CASK: variants seen among roughly 807,000 people sequenced by gnomAD.
The protein encoded by CASK is peripheral plasma membrane protein CASK.
Under a neutral mutation model 82.9 loss-of-function variants are expected in CASK, and 4 were observed. The observed-to-expected ratio is 0.05, with a 90% confidence interval of 0.02 to 0.11. The LOEUF is 0.11. Ranked by LOEUF, CASK falls within the 10% of genes least tolerant of loss-of-function variation. The pLI is 1.00. For synonymous variants in CASK, 259 were observed against 253.5 expected, an observed-to-expected ratio of 1.02 and a Z score of -0.20; for missense variants, 358 against 720.9, an observed-to-expected ratio of 0.50 and a Z score of 5.76.
intron 1 of CASK, among the ~76,000 whole-genome samples, chrX:41,854,448 C>T (rs1252300185): frequency 1.8e-5 from 2 of 112,214 alleles, no homozygotes; most frequent in Non-Finnish European, 3.8e-5. Context: ...TGTATACATG[C>T]GTGTATTTTC....
intron 2 of CASK, among the ~76,000 whole-genome samples, chrX:41,797,568 T>C (rs1402675592): frequency 1.8e-5 from 2 of 111,369 alleles, no homozygotes; most frequent in African/African-American, 6.5e-5. Context: ...CTATTATACA[T>C]CTCCTGTCTC....
intron 1 of CASK, chrX:41,919,283 C>A (rs1299915659): frequency 8.9e-6 from 1 of 111,779 alleles, no homozygotes; most frequent in Non-Finnish European, 1.9e-5. Context: ...CAAAGTTGCA[C>A]GTCATCCTTA....
intron 23 of CASK, 40 bp downstream of exon 23, chrX:41,534,853 A>T: frequency 8.7e-7 from 1 of 1,148,661 alleles, no homozygotes. Context: ...AAATGTTTTG[A>T]AAGTGAGAAT....
chrX:41,716,380 T>C (rs1229495539), intron 5 of CASK, among the ~76,000 whole-genome samples: 1 of 112,633 alleles, frequency 8.9e-6, no homozygotes, highest in Non-Finnish European at 1.9e-5. Flanking sequence ...CCTTCGCAAG[T>C]GTGTGCTCAC....
chrX:41,829,808 T>C (rs1345018642), intron 2 of CASK, among the ~76,000 whole-genome samples: 1 of 78,886 alleles, frequency 1.3e-5, no homozygotes. Context: ...TTAAACTAAT[T>C]TGCATCCCTA....
Position 41,813,713 on chromosome X carries a change from C to A in CASK, c.173-26430G>T, listed in dbSNP as rs1003731091. On this transcript the variant is annotated intron_variant, in intron 2 of 26. Transcript: ENST00000378163. ...ACTTCATGTCCAAAACACCAAAAGC[C>A]ATGGCAACAAATGCCAAAATTGACA... Among the ~76,000 whole-genome samples the A allele has an allele frequency of 1.6e-3, 175 of 111,697 alleles. 1 individual carries two copies. Among genetic ancestry groups the A allele is most frequent in the Non-Finnish European group, 2.4e-3 (128 of 53,101 alleles).
chrX:41,611,658 CCTCTCT>C (rs2066050789), intron 11 of CASK, among the ~76,000 whole-genome samples: 1 of 55,107 alleles, frequency 1.8e-5, no homozygotes, highest in Non-Finnish European at 3.3e-5. Context: ...TCTCCCTCTC[CCTCTCT>C]CTCTCCCTCT....
At chrX:41,790,602 T>A (rs1308847997) in intron 2 of CASK, among the ~76,000 whole-genome samples, 1 of 111,659 alleles carries the variant, frequency 9.0e-6, no homozygotes, top group African/African-American at 3.3e-5. Context: ...AATTTAAATG[T>A]CACCGGATCT....
At chrX:41,888,791 A>G (rs766161169) in intron 1 of CASK, among the ~76,000 whole-genome samples, 1 of 104,744 alleles carries the variant, frequency 9.5e-6, no homozygotes, top group South Asian at 4.0e-4. Flanking sequence ...ATGTATGTGT[A>G]TATATATGTA....
chrX:41,744,141 AACTT>A (rs1197337265), intron 4 of CASK, among the ~76,000 whole-genome samples: 2 of 109,309 alleles, frequency 1.8e-5, no homozygotes, highest in Non-Finnish European at 3.8e-5. Context: ...AAAAAAAAAA[AACTT>A]AATATGTTTG....
At chrX:41,553,478 C>T (rs2065125245) in intron 21 of CASK, among the ~76,000 whole-genome samples, 1 of 110,993 alleles carries the variant, frequency 9.0e-6, no homozygotes, top group Non-Finnish European at 1.9e-5. Flanking sequence ...GCTGCTCATC[C>T]AATCTCTTTC....
At chrX:41,743,924 A>G (rs2068639049) in intron 4 of CASK, among the ~76,000 whole-genome samples, 1 of 110,755 alleles carries the variant, frequency 9.0e-6, no homozygotes, top group Non-Finnish European at 1.9e-5. Flanking sequence ...CCTGGCCAAC[A>G]TGGTGAAACC....
At chrX:41,916,251 A>C (rs974389344) in intron 1 of CASK, among the ~76,000 whole-genome samples, 10 of 112,858 alleles carry the variant, frequency 8.9e-5, no homozygotes, top group Non-Finnish European at 1.9e-4. Context: ...TTAATAAAGA[A>C]AAGTAACACA....
chrX:41,717,258 G>A (rs2068077921), intron 5 of CASK, among the ~76,000 whole-genome samples: 2 of 112,259 alleles, frequency 1.8e-5, no homozygotes, highest in Admixed American at 9.5e-5. Flanking sequence ...CCCGCGAGAC[G>A]CACGCTTCTA....
At chrX:41,814,875 T>C (rs1345284310) in intron 2 of CASK, among the ~76,000 whole-genome samples, 1 of 111,876 alleles carries the variant, frequency 8.9e-6, no homozygotes, top group Non-Finnish European at 1.9e-5. Flanking sequence ...ACAAATATTA[T>C]CAGGCACTGA....
chrX:41,531,280 A>C, intron 24 of CASK, 71 bp from the exon 25 acceptor site: 1 of 824,513 alleles, frequency 1.2e-6, no homozygotes, highest in Non-Finnish European at 1.8e-6. Context: ...CAACAGATTT[A>C]CTCAAACCCA....
intron 13 of CASK, among the ~76,000 whole-genome samples, chrX:41,589,244 T>C (rs1354397821): frequency 1.8e-5 from 2 of 112,403 alleles, no homozygotes; most frequent in Non-Finnish European, 3.8e-5. Context: ...AATAACTTGC[T>C]TTTTTAAAAA....
In CASK at chrX:41,875,274, T is replaced by C. The variant is rs767677262; in HGVS notation, c.60-22047A>G. Among the ~76,000 whole-genome samples, 6 of 112,420 alleles carry C rather than the reference T, an allele frequency of 5.3e-5. No individual in the cohort carries two copies. The South Asian group carries it at 2.2e-3, about 41-fold the overall frequency. On this transcript the variant is annotated intron_variant, in intron 1 of 26. Transcript: ENST00000378163. ...ATACTCTTTGGTTTTTCCTTAAGTT[T>C]CAGTGAGTCTTCTTTACCACTTAAC...
chrX:41,733,547 A>G (rs958777170), intron 5 of CASK, among the ~76,000 whole-genome samples: 24 of 110,037 alleles, frequency 2.2e-4, no homozygotes, highest in African/African-American at 6.3e-4. Flanking sequence ...AGGAGATCGA[A>G]ACCATCCTGG....
Sources: allele counts gnomAD v4.1 joint callset (sites outside exome capture counted in the v4.1 genomes callset), GRCh38; gene constraint gnomAD v4.1.1; transcripts MANE v1.5; gene names NCBI Gene and HGNC (gene_info 2026-07-23, HGNC 2026-07-21).